BMERB1: variants seen among roughly 807,000 people sequenced by gnomAD.
The protein encoded by BMERB1 is bMERB domain containing 1.
BMERB1 carries 12 observed loss-of-function variants against 23.6 expected under a neutral mutation model. That is an observed-to-expected ratio of 0.51 (90% CI 0.33 to 0.82). BMERB1 has a LOEUF of 0.82. Among genes scored for constraint, BMERB1 ranks in the 40% least tolerant of loss-of-function variants. The pLI is 0.03. For missense variants in BMERB1, 247 were observed against 255.4 expected, an observed-to-expected ratio of 0.97 and a Z score of 0.22; for synonymous variants, 122 against 96.6, an observed-to-expected ratio of 1.26 and a Z score of -1.54.
At chr16:15,528,091 C>T (rs1181334737) in intron 2 of BMERB1, among the ~76,000 whole-genome samples, 2 of 152,064 alleles carry the variant, frequency 1.3e-5, no homozygotes, top group Non-Finnish European at 2.9e-5. Context: ...TGTCTTAGTC[C>T]GTTCCTGTTG....
At chr16:15,470,492 A>G (rs909285772) in intron 1 of BMERB1, among the ~76,000 whole-genome samples, 1 of 151,568 alleles carries the variant, frequency 6.6e-6, no homozygotes, top group Non-Finnish European at 1.5e-5. Context: ...TACAAGATTC[A>G]TAAAATGAGT....
At chr16:15,522,859 G>T (rs2051870203) in intron 2 of BMERB1, among the ~76,000 whole-genome samples, 1 of 152,188 alleles carries the variant, frequency 6.6e-6, no homozygotes, top group Admixed American at 6.5e-5. Flanking sequence ...CAGTGTGTGT[G>T]TGTTACATGG....
At chr16:15,515,220 A>C in intron 1 of BMERB1, 85 bp from the exon 2 acceptor site, 1 of 1,585,954 alleles carries the variant, frequency 6.3e-7, no homozygotes, top group Non-Finnish European at 8.6e-7. Context: ...TCGCAGAGCA[A>C]GGCTGTGCCC....
intron 2 of BMERB1, among the ~76,000 whole-genome samples, chr16:15,519,370 A>G (rs1026319520): frequency 1.1e-4 from 16 of 151,984 alleles, no homozygotes; most frequent in South Asian, 4.2e-4. Context: ...CTCACTTCCA[A>G]TGCTTCTCGC....
intron 2 of BMERB1, among the ~76,000 whole-genome samples, chr16:15,563,215 C>T (rs541599400): frequency 6.6e-6 from 1 of 152,110 alleles, no homozygotes; most frequent in Non-Finnish European, 1.5e-5. Flanking sequence ...AACTCTATCT[C>T]TATTATAAAG....
Position 15,475,087 on chromosome 16 carries a change from T to C in BMERB1, c.107-40218T>C, listed in dbSNP as rs75294551. Among the ~76,000 whole-genome samples, 66 of 152,248 alleles carry C rather than the reference T, an allele frequency of 4.3e-4. 3 individuals carry two copies. In the East Asian group the frequency reaches 6.6e-3, roughly 15 times the overall value. ...TTCCCCCTTGGTGCTGGGGCCACTT[T>C]CCTAGAAAATATGAGGAACAAACCT... On this transcript the variant is annotated intron_variant, in intron 1 of 5. Transcript: ENST00000300006.
intron 1 of BMERB1, among the ~76,000 whole-genome samples, chr16:15,508,008 G>A (rs114604389): frequency 0.014 from 2,114 of 152,244 alleles, 57 homozygotes; most frequent in African/African-American, 0.049. Flanking sequence ...TGGTACTTAC[G>A]TAGGGAGGTA....
chr16:15,469,574 G>A (rs1013080445), intron 1 of BMERB1, among the ~76,000 whole-genome samples: 2 of 152,264 alleles, frequency 1.3e-5, no homozygotes, highest in South Asian at 4.2e-4. Context: ...AGGTCATTTT[G>A]AGTGTAACTG....
At position 15,441,233 on chromosome 16, in the gene BMERB1, T is replaced by G. The variant is rs375732409; in HGVS notation, c.106+6474T>G. Among the ~76,000 whole-genome samples the G allele has an allele frequency of 3.9e-5, 6 of 152,262 alleles. No homozygotes were observed. The South Asian group carries it at 8.3e-4, about 21-fold the overall frequency. The stretch of plus-strand genomic sequence containing the variant: ...CTGTTATGTTTTTTGAGGTTTTTTG[T>G]TTTTGAGACAGGGTCTCGCTTGTCA... On this transcript the variant is annotated intron_variant, in intron 1 of 5. Coordinates refer to ENST00000300006, the MANE Select transcript of BMERB1 (RefSeq NM_033201.3).
chr16:15,571,127 A>C (rs2030713947), intron 3 of BMERB1, among the ~76,000 whole-genome samples: 1 of 152,120 alleles, frequency 6.6e-6, no homozygotes, highest in Non-Finnish European at 1.5e-5. Context: ...AGTAGGTCTC[A>C]GCCTTATTTT....
chr16:15,547,465 C>T (rs912483777), intron 2 of BMERB1, among the ~76,000 whole-genome samples: 11 of 151,414 alleles, frequency 7.3e-5, no homozygotes, highest in Admixed American at 7.2e-4. Flanking sequence ...CTGCAGCCTC[C>T]CAAAGTAGCT....
At chr16:15,577,957 G>T (rs2030911818) in intron 3 of BMERB1, among the ~76,000 whole-genome samples, 1 of 152,226 alleles carries the variant, frequency 6.6e-6, no homozygotes, top group African/African-American at 2.4e-5. Flanking sequence ...TTTTCTGTCT[G>T]TTGGGAGATG....
chr16:15,483,494 C>T (rs180963589), intron 1 of BMERB1, among the ~76,000 whole-genome samples: 91 of 152,242 alleles, frequency 6.0e-4, no homozygotes, highest in African/African-American at 2.0e-3. Flanking sequence ...ATTCTCCTGC[C>T]TCAGCCTCTC....
chr16:15,497,649 T>G (rs1362100515), intron 1 of BMERB1, among the ~76,000 whole-genome samples: 4 of 152,202 alleles, frequency 2.6e-5, no homozygotes, highest in African/African-American at 9.6e-5. Flanking sequence ...AGACACAGAT[T>G]GGCATTTTTT....
intron 1 of BMERB1, among the ~76,000 whole-genome samples, chr16:15,481,526 C>CAA (rs1040005287): frequency 5.5e-5 from 8 of 146,486 alleles, no homozygotes; most frequent in Non-Finnish European, 1.1e-4. Context: ...GACTCCATCT[C>CAA]AAAAAAAAAA....
At chr16:15,491,576 A>G (rs1438701640) in intron 1 of BMERB1, among the ~76,000 whole-genome samples, 1 of 152,176 alleles carries the variant, frequency 6.6e-6, no homozygotes, top group Non-Finnish European at 1.5e-5. Context: ...GCCGGGCATC[A>G]TGGGGCCACT....
At chr16:15,577,321 TAA>T (rs1485305773) in intron 3 of BMERB1, 1 of 152,190 alleles carries the variant, frequency 6.6e-6, no homozygotes, top group Non-Finnish European at 1.5e-5. Flanking sequence ...TGCTTTTCAT[TAA>T]AAGGAAAACC....
At chr16:15,458,358 A>T (rs2051104783) in intron 1 of BMERB1, among the ~76,000 whole-genome samples, 1 of 152,188 alleles carries the variant, frequency 6.6e-6, no homozygotes, top group South Asian at 2.1e-4. Flanking sequence ...ACACATACAG[A>T]TGTTTGCTGA....
At chr16:15,483,196 C>G (rs2051338778) in intron 1 of BMERB1, among the ~76,000 whole-genome samples, 1 of 152,162 alleles carries the variant, frequency 6.6e-6, no homozygotes, top group South Asian at 2.1e-4. Flanking sequence ...TGTATGTTTC[C>G]AATTTTTCCA....
Sources: gnomAD v4.1 joint callset for allele counts (sites outside exome capture counted in the v4.1 genomes callset) on GRCh38, gnomAD v4.1.1 for gene constraint, MANE v1.5 for transcripts, NCBI Gene and HGNC (gene_info 2026-07-23, HGNC 2026-07-21) for gene names.